TRAPPC9: variants seen among roughly 807,000 people sequenced by gnomAD.
TRAPPC9 encodes trafficking protein particle complex subunit 9.
Under a neutral mutation model 124.0 loss-of-function variants are expected in TRAPPC9, and 83 were observed. That is an observed-to-expected ratio of 0.67 (90% CI 0.56 to 0.80). The LOEUF is 0.80. Among genes scored for constraint, TRAPPC9 ranks in the 30% least tolerant of loss-of-function variants. The pLI, the probability that TRAPPC9 is intolerant of heterozygous loss-of-function variation, is 0.00. For missense variants in TRAPPC9, 1,302 were observed against 1,508.3 expected (o/e 0.86, Z 2.27); for synonymous variants, 638 against 617.5 (o/e 1.03, Z -0.49).
intron 19 of TRAPPC9, among the ~76,000 whole-genome samples, chr8:139,915,334 C>A (rs1245747480): frequency 6.6e-6 from 1 of 152,140 alleles, no homozygotes; most frequent in Non-Finnish European, 1.5e-5. Context: ...GCAACCTCCG[C>A]TTCCTGGGTT....
At chr8:139,810,864 A>C (rs940383595) in intron 21 of TRAPPC9, among the ~76,000 whole-genome samples, 1 of 152,120 alleles carries the variant, frequency 6.6e-6, no homozygotes, top group African/African-American at 2.4e-5. Context: ...GTCCCTAATG[A>C]ACTCTGGGTG....
intron 19 of TRAPPC9, among the ~76,000 whole-genome samples, chr8:139,962,332 T>C (rs1323349159): frequency 8.0e-6 from 1 of 124,774 alleles, no homozygotes; most frequent in African/African-American, 2.5e-5. Flanking sequence ...ACATGCTAAA[T>C]AGCTATTATA....
chr8:140,350,626 C>T (rs1368054887), intron 9 of TRAPPC9, among the ~76,000 whole-genome samples: 1 of 152,004 alleles, frequency 6.6e-6, no homozygotes, highest in Non-Finnish European at 1.5e-5. Context: ...CCGGGGGTCA[C>T]GGTGGTCTCC....
chr8:140,112,872 G>A (rs2060809671), intron 17 of TRAPPC9, among the ~76,000 whole-genome samples: 1 of 138,332 alleles, frequency 7.2e-6, no homozygotes, highest in Non-Finnish European at 1.5e-5. Context: ...ATGGAGTCTC[G>A]CTCTGTCACC....
At chr8:139,983,426 G>A (rs1029260926) in intron 19 of TRAPPC9, among the ~76,000 whole-genome samples, 1 of 150,938 alleles carries the variant, frequency 6.6e-6, no homozygotes, top group Admixed American at 6.6e-5. Context: ...TGGCCCCCCA[G>A]TCCTAGGCCC....
chr8:140,268,908 T>C (rs755457261), intron 15 of TRAPPC9, among the ~76,000 whole-genome samples: 21 of 152,110 alleles, frequency 1.4e-4, no homozygotes, highest in Non-Finnish European at 2.5e-4. Context: ...GCTGCCACAG[T>C]GCTCCCCACC....
intron 1 of TRAPPC9, among the ~76,000 whole-genome samples, chr8:140,454,627 T>A (rs1378386876): frequency 1.3e-4 from 8 of 62,706 alleles, no homozygotes; most frequent in Admixed American, 6.6e-4. Context: ...GCAATAAGAG[T>A]AAGACTCCCT....
At chr8:139,805,325 A>T (rs1823972424) in intron 21 of TRAPPC9, among the ~76,000 whole-genome samples, 2 of 152,190 alleles carry the variant, frequency 1.3e-5, no homozygotes, top group African/African-American at 4.8e-5. Context: ...ACAGGCATCC[A>T]GAGTCCACCC....
intron 2 of TRAPPC9, among the ~76,000 whole-genome samples, chr8:140,445,754 G>A (rs1184101079): frequency 6.6e-6 from 1 of 152,198 alleles, no homozygotes; most frequent in Non-Finnish European, 1.5e-5. Flanking sequence ...TCTCAACTGG[G>A]ACAAAGCAAA....
chr8:140,379,117 A>G (rs55719602), intron 7 of TRAPPC9, among the ~76,000 whole-genome samples: 5,374 of 141,418 alleles, frequency 0.038, 203 homozygotes, highest in African/African-American at 0.1. Flanking sequence ...TTTTTTTTTC[A>G]TTAAAAAACA....
chr8:140,114,035 C>A (rs2060832086), intron 17 of TRAPPC9, among the ~76,000 whole-genome samples: 1 of 152,214 alleles, frequency 6.6e-6, no homozygotes, highest in Non-Finnish European at 1.5e-5. Flanking sequence ...CCTCCCTAAG[C>A]CCTTCCTTTG....
chr8:140,376,974 G>A, intron 7 of TRAPPC9, among the ~76,000 whole-genome samples: 1 of 151,998 alleles, frequency 6.6e-6, no homozygotes, highest in Non-Finnish European at 1.5e-5. Flanking sequence ...ATACCTGGAA[G>A]GTTCCTAGAC....
At chr8:139,893,948 G>A (rs1244893572) in intron 20 of TRAPPC9, among the ~76,000 whole-genome samples, 1 of 152,214 alleles carries the variant, frequency 6.6e-6, no homozygotes, top group Non-Finnish European at 1.5e-5. Flanking sequence ...CAGGGGCACG[G>A]GGCAGATGCA....
At chr8:140,423,451 T>C (rs1190441862) in intron 5 of TRAPPC9, among the ~76,000 whole-genome samples, 3 of 151,628 alleles carry the variant, frequency 2.0e-5, no homozygotes, top group East Asian at 3.9e-4. Context: ...AAAAAACAAA[T>C]AAATAAATAA....
chr8:140,102,857 C>G (rs1259081151), intron 17 of TRAPPC9, among the ~76,000 whole-genome samples: 1 of 152,180 alleles, frequency 6.6e-6, no homozygotes, highest in Non-Finnish European at 1.5e-5. Context: ...CTCTGTTCAC[C>G]CCCACTGAGC....
At position 140,353,417 on chromosome 8, in the gene TRAPPC9, G is replaced by A. The variant is rs534843636; in HGVS notation, c.1495+6633C>T. On this transcript the variant is annotated intron_variant, in intron 9 of 22. Transcript: ENST00000438773. The surrounding 1 kb of genome is among the most constrained non-coding windows in gnomAD (Gnocchi z 4.2). ...CTTCTTTTCGTAAGTATTGATAACCGCACTTCACTCACAGTAGCAGAGCCT... is the reference window on the plus strand; with the variant it reads ...CTTCTTTTCGTAAGTATTGATAACCACACTTCACTCACAGTAGCAGAGCCT... Among the ~76,000 whole-genome samples, 9 of 151,658 alleles carry A rather than the reference G, an allele frequency of 5.9e-5. No individual in the cohort carries two copies. The highest frequency in any genetic ancestry group is 2.1e-4 in the South Asian group (1 of 4,796).
chr8:139,998,509 G>C (rs1205900100), intron 18 of TRAPPC9, among the ~76,000 whole-genome samples: 6 of 152,180 alleles, frequency 3.9e-5, no homozygotes, highest in African/African-American at 1.4e-4. Context: ...ACAAGGTCAG[G>C]AGATCGAGAC....
chr8:140,379,816 G>A lies in TRAPPC9; in HGVS notation c.1135-8636C>T, dbSNP rs79023186. On this transcript the variant is annotated intron_variant, in intron 7 of 22. Transcript: ENST00000438773. Reference sequence around the variant, plus strand: ...TTCCTACAACACCTTATCTAAATATGACAGTAATGTAAGATGCCTTTCTTA... The same window carrying A: ...TTCCTACAACACCTTATCTAAATATAACAGTAATGTAAGATGCCTTTCTTA... Among the ~76,000 whole-genome samples the A allele has an allele frequency of 5.3e-3, 809 of 152,228 alleles. 8 individuals are homozygous for A. Among genetic ancestry groups the A allele is most frequent in the Middle Eastern group, 0.037 (11 of 294 alleles).
intron 17 of TRAPPC9, among the ~76,000 whole-genome samples, chr8:140,213,070 CAA>C (rs71520260): frequency 6.8e-5 from 8 of 117,848 alleles, no homozygotes; most frequent in Admixed American, 8.7e-5. Context: ...GACTCTGTCT[CAA>C]AAAAAAAAAA....
Sources: allele counts gnomAD v4.1 joint callset (sites outside exome capture counted in the v4.1 genomes callset), GRCh38; gene constraint gnomAD v4.1.1; non-coding constraint Gnocchi (gnomAD v3.1); transcripts MANE v1.5; gene names NCBI Gene and HGNC (gene_info 2026-07-23, HGNC 2026-07-21).